MYO1G: variants seen among roughly 807,000 people sequenced by gnomAD.
The protein encoded by MYO1G is myosin IG.
A neutral mutation model predicts 115.3 loss-of-function variants in MYO1G; 65 were observed. That is an observed-to-expected ratio of 0.56 (90% CI 0.46 to 0.69). The LOEUF (loss-of-function observed/expected upper bound fraction) is 0.69. Ranked by LOEUF, MYO1G falls within the 30% of genes least tolerant of loss-of-function variation. The pLI is 0.00. For synonymous variants in MYO1G, 510 were observed against 552.6 expected (o/e 0.92, Z 1.08); for missense variants, 1,204 against 1,393.5 (o/e 0.86, Z 2.16).
In MYO1G at chr7:44,971,792, A is replaced by G. The variant is rs780159634; in HGVS notation, c.730-3T>C. 3.9e-6 allele frequency: 6 copies of G among 1,551,072 alleles called. No homozygotes were observed. The highest frequency in any genetic ancestry group is 1.7e-4 in the Middle Eastern group (1 of 5,994). On this transcript the variant is annotated splice_region_variant and splice_polypyrimidine_tract_variant and intron_variant, in intron 6 of 21. Transcript: ENST00000258787. The stretch of plus-strand genomic sequence containing the variant: ...CTCTGCTCATCACTGTCCAAGGCCT[A>G]GGGTAGAAGGGATTCATCACTCCAA...
chr7:44,966,550 G>T lies in MYO1G; in HGVS notation c.1949+122C>A. On this transcript the variant is annotated intron_variant, in intron 15 of 21. Transcript: ENST00000258787. This position sits in a 1 kb window ranked among gnomAD's most constrained non-coding sequence, Gnocchi z 5.0. ...ATATTTTGGTGTCTTGAGGCCAGCA[G>T]CGTGCTGGTTCCTGCTTGTATCGAT... The T allele has an allele frequency of 8.0e-7, 1 of 1,250,436 alleles. No homozygotes were observed. Among genetic ancestry groups the T allele is most frequent in the Non-Finnish European group, 1.2e-6 (1 of 868,900 alleles). The allele number at this position is 1,250,436 out of a possible 1,614,324, so 77.5% of individuals were successfully genotyped here. A position where few individuals can be genotyped will look rare whatever the true frequency, so the allele number is the denominator to read the frequency against.
In MYO1G at chr7:44,970,677, G is replaced by C. The variant is rs546640885; in HGVS notation, c.1132C>G (p.Arg378Gly). Residue 378 changes from arginine (R) to glycine (G), a missense_variant, in exon 9 of 22, where the codon CGG becomes GGG. Transcript: ENST00000258787. ...VNRINSVMEP[R>G]GRDPRRDGKD... ...CCATCACGCCGAGGATCCCGGCCCC[G>C]GGGTTCCATGACACTGTTGATCCTG... 2.5e-6 allele frequency: 4 copies of C among 1,613,886 alleles called. No homozygotes were observed. Among genetic ancestry groups the C allele is most frequent in the Non-Finnish European group, 3.4e-6 (4 of 1,180,010 alleles).
Position 44,969,418 on chromosome 7 carries a change from G to T in MYO1G, c.1569C>A (p.Asp523Glu). ...GGGTGGGAGGGGGCCCTTACGTGAC[G>T]TCCCCTGCATAGTGCTTGATCCGGA... ...RDFRIKHYAG[D>E]VTYSVEGFID... is the part of the protein sequence containing the mutation. The change falls in exon 12 of 22, where the codon GAC becomes GAA. Residue 523 changes from aspartate (D) to glutamate (E), a missense_variant. Transcript: ENST00000258787. The surrounding 1 kb of genome is among the most constrained non-coding windows in gnomAD (Gnocchi z 5.0). 6.2e-7 allele frequency: 1 copy of T among 1,613,726 alleles called. No individual in the cohort carries two copies. The highest frequency in any genetic ancestry group is 8.5e-7 in the Non-Finnish European group (1 of 1,179,906).
chr7:44,976,058 C>T (rs1047957774), intron 3 of MYO1G, among the ~76,000 whole-genome samples: 3 of 152,226 alleles, frequency 2.0e-5, no homozygotes, highest in African/African-American at 2.4e-5. Flanking sequence ...GCTTGTCCCC[C>T]CTGAATCCCA....
chr7:44,964,607 T>C lies in MYO1G; in HGVS notation c.2527-88A>G. The C allele has an allele frequency of 9.2e-7, 1 of 1,090,930 alleles. No individual in the cohort carries two copies. The highest frequency in any genetic ancestry group is 1.4e-6 in the Non-Finnish European group (1 of 710,882). The allele number at this position is 1,090,930 out of a possible 1,614,324, so 67.6% of individuals were successfully genotyped here. A position where few individuals can be genotyped will look rare whatever the true frequency, so the allele number is the denominator to read the frequency against. ...GATAGCAGCTGTCTGTGAATCAGCA[T>C]AGCTATCCTTCATCTCGGGAAACTG... On this transcript the variant is annotated intron_variant, in intron 18 of 21. Transcript: ENST00000258787. The surrounding 1 kb of genome is among the most constrained non-coding windows in gnomAD (Gnocchi z 5.1).
intron 14 of MYO1G, among the ~76,000 whole-genome samples, chr7:44,967,154 T>C (rs571143601): frequency 2.0e-5 from 3 of 152,354 alleles, no homozygotes; most frequent in East Asian, 1.9e-4. Flanking sequence ...TGTTCTGTAG[T>C]TAAGCTCACC....
chr7:44,963,075 T>C lies in MYO1G; in HGVS notation c.2795A>G (p.His932Arg). 6.6e-7 allele frequency: 1 copy of C among 1,520,660 alleles called. No individual in the cohort carries two copies. The highest frequency in any genetic ancestry group is 8.8e-7 in the Non-Finnish European group (1 of 1,140,014). 94.2% of individuals were successfully genotyped at this position (1,520,660 alleles called of 1,614,324 possible). ...CACGAGGTCGTCCTGGCCGCGGGCG[T>C]GCAGCACCACCAGCTGGTCTCCTCC... is the stretch of plus-strand genomic sequence containing the variant. ...TSGGDQLVVL[H>R]ARGQDDLVVC... The change falls in exon 21 of 22, where the codon CAC becomes CGC. Residue 932 changes from histidine (H) to arginine (R), a missense_variant. Physicochemically the swap from His to Arg is conservative, Grantham distance 29. Coordinates refer to ENST00000258787, the MANE Select transcript of MYO1G (RefSeq NM_033054.3). This position sits in a 1 kb window ranked among gnomAD's most constrained non-coding sequence, Gnocchi z 4.1.
Position 44,977,057 on chromosome 7 carries a change from C to A in MYO1G, c.110G>T (p.Arg37Leu), listed in dbSNP as rs763720788. The A allele has an allele frequency of 6.2e-7, 1 of 1,612,020 alleles. No homozygotes were observed. Among genetic ancestry groups the A allele is most frequent in the African/African-American group, 1.3e-5 (1 of 74,556 alleles). The change falls in exon 2 of 22, where the codon CGC becomes CTC. Residue 37 changes from arginine (R) to leucine (L), a missense_variant. Arg to Leu is a moderately radical substitution (Grantham distance 102, BLOSUM62 -2). Coordinates refer to ENST00000258787, the MANE Select transcript of MYO1G (RefSeq NM_033054.3). Reference sequence around the variant, plus strand: ...CACCTCACCGATGTAGGTGTAGATGCGGCCCTTCTCGAACCTGGACACAGC... The same window carrying A: ...CACCTCACCGATGTAGGTGTAGATGAGGCCCTTCTCGAACCTGGACACAGC... ...RNLQLRFEKG[R>L]IYTYIGEVLV...
chr7:44,963,438 GT>G lies in MYO1G; in HGVS notation c.2746-315del. The stretch of plus-strand genomic sequence containing the variant: ...GCATGTGCTACTGCCTGGAGGAGCC[GT>G]TTTTAGTTCTAGGTCACTTTCACTG... On this transcript the variant is annotated intron_variant, in intron 20 of 21. Transcript: ENST00000258787. This position sits in a 1 kb window ranked among gnomAD's most constrained non-coding sequence, Gnocchi z 4.1. The G allele has an allele frequency of 2.7e-6, 1 of 370,238 alleles. No homozygotes were observed. Among genetic ancestry groups the G allele is most frequent in the Non-Finnish European group, 4.8e-6 (1 of 207,188 alleles). The allele number at this position is 370,238 out of a possible 1,614,324, so 22.9% of individuals were successfully genotyped here. A position where few individuals can be genotyped will look rare whatever the true frequency, so the allele number is the denominator to read the frequency against.
In MYO1G at chr7:44,964,025, C is replaced by G. The variant is rs1161890734; in HGVS notation, c.2745+24G>C. The G allele has an allele frequency of 6.5e-7, 1 of 1,544,096 alleles. No homozygotes were observed. Among genetic ancestry groups the G allele is most frequent in the Non-Finnish European group, 8.8e-7 (1 of 1,137,892 alleles). On this transcript the variant is annotated intron_variant, in intron 20 of 21. Transcript: ENST00000258787. This position sits in a 1 kb window ranked among gnomAD's most constrained non-coding sequence, Gnocchi z 5.1. The stretch of plus-strand genomic sequence containing the variant: ...CAGTGCCCCTCACAGATGCTGCACC[C>G]TACTCCCCACCCACATTGCTCACCG...
Position 44,971,744 on chromosome 7 carries a change from T to A in MYO1G, c.775A>T (p.Met259Leu), listed in dbSNP as rs145850475. 124 of 1,555,844 alleles carry A rather than the reference T, an allele frequency of 8.0e-5. No individual in the cohort carries two copies. In the East Asian group the frequency reaches 2.8e-3, roughly 35 times the overall value. The change falls in exon 7 of 22, where the codon ATG (methionine) becomes TTG (leucine). Residue 259 changes from methionine to leucine, a missense_variant. By Grantham distance (15) the Met-to-Leu change is conservative. Coordinates refer to ENST00000258787, the MANE Select transcript of MYO1G (RefSeq NM_033054.3). The stretch of plus-strand genomic sequence containing the variant: ...TCAGGACTGAAGCCGATGACCCTCA[T>A]GGCCTCGGTCACTGCCTGGTGGCTC... ...EQSHQAVTEA[M>L]RVIGFSPEEV...
In MYO1G at chr7:44,966,307, G is replaced by A. The variant is rs771990767; in HGVS notation, c.1950-27C>T. ...TGTCACCACAGGACAGGGCAGTGTG[G>A]CCCAGGCCTGGGGGAGAGATGATGG... On this transcript the variant is annotated intron_variant, in intron 15 of 21. Transcript: ENST00000258787. This position sits in a 1 kb window ranked among gnomAD's most constrained non-coding sequence, Gnocchi z 5.0. The A allele has an allele frequency of 3.2e-6, 5 of 1,563,468 alleles. No individual in the cohort carries two copies. In the South Asian group the frequency reaches 5.8e-5, roughly 18 times the overall value.
intron 5 of MYO1G, 191 bp downstream of exon 5, chr7:44,974,983 C>A: frequency 1.5e-6 from 1 of 675,874 alleles, no homozygotes; most frequent in Non-Finnish European, 2.7e-6. Context: ...CAAGTCACAC[C>A]CTCTTGTTTG....
Position 44,967,718 on chromosome 7 carries a change from C to T in MYO1G, c.1669G>A (p.Ala557Thr). 6.2e-7 allele frequency: 1 copy of T among 1,613,642 alleles called. No individual in the cohort carries two copies. Among genetic ancestry groups the T allele is most frequent in the Non-Finnish European group, 8.5e-7 (1 of 1,180,032 alleles). The change falls in exon 14 of 22, where the codon GCC becomes ACC. Residue 557 changes from alanine (A) to threonine (T), a missense_variant. Transcript: ENST00000258787. ...LYNSTDPTLRAMWPDGQQDIT... is the reference protein window; with the variant it reads ...LYNSTDPTLRTMWPDGQQDIT... Reference sequence around the variant, plus strand: ...TCCTGCTGCCCGTCCGGCCACATGGCCCGTAGAGTGGGGTCCGTGCTGCAG... The same window carrying T: ...TCCTGCTGCCCGTCCGGCCACATGGTCCGTAGAGTGGGGTCCGTGCTGCAG...
intron 12 of MYO1G, 32 bp from the exon 13 acceptor site, chr7:44,967,990 G>T: frequency 6.2e-7 from 1 of 1,602,810 alleles, no homozygotes; most frequent in Non-Finnish European, 8.5e-7. Flanking sequence ...GAGGGAGCAG[G>T]GGCGGGGGCT....
Position 44,963,240 on chromosome 7 carries a change from G to C in MYO1G, c.2746-116C>G. The C allele has an allele frequency of 1.6e-6, 2 of 1,265,694 alleles. No individual in the cohort carries two copies. Among genetic ancestry groups the C allele is most frequent in the Non-Finnish European group, 2.1e-6 (2 of 970,976 alleles). The allele number at this position is 1,265,694 out of a possible 1,614,324, so 78.4% of individuals were successfully genotyped here. On this transcript the variant is annotated intron_variant, in intron 20 of 21. Coordinates refer to ENST00000258787, the MANE Select transcript of MYO1G (RefSeq NM_033054.3). This position sits in a 1 kb window ranked among gnomAD's most constrained non-coding sequence, Gnocchi z 4.1. ...CCCCCAACCGCACCCGGGGAGCGCC[G>C]CCCTCGCCAGGGCCACCAGCCCCCC...
Position 44,963,068 on chromosome 7 carries a change from G to T in MYO1G, c.2802C>A (p.Arg934=). The change falls in exon 21 of 22, where the codon CGC becomes CGA. Residue 934 remains arginine (R), a synonymous_variant. Coordinates refer to ENST00000258787, the MANE Select transcript of MYO1G (RefSeq NM_033054.3). This position sits in a 1 kb window ranked among gnomAD's most constrained non-coding sequence, Gnocchi z 4.1. The stretch of plus-strand genomic sequence containing the variant: ...GGCACACCACGAGGTCGTCCTGGCC[G>T]CGGGCGTGCAGCACCACCAGCTGGT... The part of the protein sequence containing the change: ...GGDQLVVLHA[R]GQDDLVVCLH... 1 of 1,521,762 alleles carries T rather than the reference G, an allele frequency of 6.6e-7. No individual in the cohort carries two copies. The highest frequency in any genetic ancestry group is 8.8e-7 in the Non-Finnish European group (1 of 1,140,338). 94.3% of individuals were successfully genotyped at this position (1,521,762 alleles called of 1,614,324 possible).
In MYO1G at chr7:44,972,159, T is replaced by A; in HGVS notation, c.685A>T (p.Asn229Tyr). 1 of 1,614,108 alleles carries A rather than the reference T, an allele frequency of 6.2e-7. No individual in the cohort carries two copies. The highest frequency in any genetic ancestry group is 8.5e-7 in the Non-Finnish European group (1 of 1,180,004). The change falls in exon 6 of 22, where the codon AAT becomes TAT. Residue 229 changes from asparagine (N) to tyrosine (Y), a missense_variant. Asn to Tyr is a moderately radical substitution (Grantham distance 143). Transcript: ENST00000258787. ...AGTCCTGCTCCCTGGTGTGTGAAAT[T>A]GTATACAGCAGGGTTTCTCTCCAAG... Reference protein sequence around the residue: ...LHLERNPAVYNFTHQGAGLNM... With the variant: ...LHLERNPAVYYFTHQGAGLNM...
At chr7:44,975,814 A>C (rs1401210046) in intron 3 of MYO1G, among the ~76,000 whole-genome samples, 165 bp from the exon 4 acceptor site, 1 of 152,226 alleles carries the variant, frequency 6.6e-6, no homozygotes, top group Non-Finnish European at 1.5e-5. Flanking sequence ...GTTGCCTCTG[A>C]GGTTGTGTGA....
Sources: gnomAD v4.1 joint callset for allele counts (sites outside exome capture counted in the v4.1 genomes callset) on GRCh38, gnomAD v4.1.1 for gene constraint, Gnocchi (gnomAD v3.1) non-coding constraint, MANE v1.5 for transcripts, NCBI Gene and HGNC (gene_info 2026-07-23, HGNC 2026-07-21) for gene names.